Variants in TENT5C observed in about 807,000 individuals in gnomAD.
TENT5C encodes the protein terminal nucleotidyltransferase 5C, also known as family with sequence similarity 46 member C.
Under a neutral mutation model 22.2 loss-of-function variants are expected in TENT5C, and 5 were observed. That is an observed-to-expected ratio of 0.22 (90% confidence interval 0.12 to 0.47). The LOEUF (loss-of-function observed/expected upper bound fraction) is 0.47, where lower values mean the gene tolerates loss of function less well. Among genes scored for constraint, TENT5C ranks in the 20% least tolerant of loss-of-function variants. The pLI is 0.99. For missense variants in TENT5C, 364 were observed against 500.9 expected, an observed-to-expected ratio of 0.73 and a Z score of 2.61; for synonymous variants, 199 against 195.4, an observed-to-expected ratio of 1.02 and a Z score of -0.15.
Position 117,623,318 on chromosome 1 carries a change from C to T in TENT5C, c.450C>T (p.Asp150=). 7 of 1,614,172 alleles carry T rather than the reference C, an allele frequency of 4.3e-6. No homozygotes were observed. The highest frequency in any genetic ancestry group is 5.9e-6 in the Non-Finnish European group (7 of 1,180,038). ...TAGTGAAGGTTTGCACGGACACTGA[C>T]CGCTGGAGCCTGATCTCCCTCTCCA... ...QKLVKVCTDT[D]RWSLISLSNK... The change falls in exon 2 of 2, where the codon GAC becomes GAT. Residue 150 remains aspartate, a synonymous_variant. Coordinates refer to ENST00000369448, the MANE Select transcript of TENT5C (RefSeq NM_017709.4).
At chr1:117,606,272 C>T (rs1358892758) in intron 1 of TENT5C, 119 bp downstream of exon 1, 1 of 152,032 alleles carries the variant, frequency 6.6e-6, no homozygotes, top group East Asian at 1.9e-4. Context: ...TTTGCCCAGC[C>T]TGGTAGGGGG....
intron 1 of TENT5C, among the ~76,000 whole-genome samples, chr1:117,621,570 A>G (rs1366014433): frequency 6.6e-6 from 1 of 152,170 alleles, no homozygotes; most frequent in Non-Finnish European, 1.5e-5. Flanking sequence ...CCAGAAATCC[A>G]TGTTGGAACC....
At chr1:117,614,888 T>C (rs949584350) in intron 1 of TENT5C, among the ~76,000 whole-genome samples, 3 of 152,352 alleles carry the variant, frequency 2.0e-5, no homozygotes, top group South Asian at 2.1e-4. Context: ...ACTTGGTTTC[T>C]CTAAAATCAC....
intron 1 of TENT5C, among the ~76,000 whole-genome samples, chr1:117,621,942 C>T (rs1653902860): frequency 1.3e-5 from 2 of 152,170 alleles, no homozygotes; most frequent in Admixed American, 6.5e-5. Context: ...TGTTTTTCTC[C>T]TAGTACTCAT....
At chr1:117,616,909 C>T (rs540444888) in intron 1 of TENT5C, among the ~76,000 whole-genome samples, 6 of 152,186 alleles carry the variant, frequency 3.9e-5, no homozygotes, top group South Asian at 2.1e-4. Context: ...AGGTCACAGA[C>T]CTAGACTTAG....
intron 1 of TENT5C, among the ~76,000 whole-genome samples, chr1:117,608,811 A>T (rs1653602435): frequency 6.6e-6 from 1 of 151,164 alleles, no homozygotes; most frequent in Admixed American, 6.6e-5. Flanking sequence ...GAAGCCCAAA[A>T]CTAGTTTCAT....
At chr1:117,610,160 C>T (rs930856410) in intron 1 of TENT5C, among the ~76,000 whole-genome samples, 4 of 152,018 alleles carry the variant, frequency 2.6e-5, no homozygotes, top group East Asian at 1.9e-4. Context: ...TTTAGGGGCC[C>T]GTAGACAGGA....
chr1:117,627,299 G>T lies in TENT5C; in HGVS notation c.*3255G>T. On this transcript the variant is annotated 3_prime_UTR_variant, in exon 2 of 2. Coordinates refer to ENST00000369448, the MANE Select transcript of TENT5C (RefSeq NM_017709.4). Reference sequence around the variant, plus strand: ...ATCAAATTGCTAAAACCCTGAATCTGCTTATTCTTCAGCTTCACCTCTGCA... The same window carrying T: ...ATCAAATTGCTAAAACCCTGAATCTTCTTATTCTTCAGCTTCACCTCTGCA... The T allele has an allele frequency of 4.0e-6, 1 of 248,122 alleles. No homozygotes were observed. The highest frequency in any genetic ancestry group is 1.3e-3 in the Middle Eastern group (1 of 788). The allele number at this position is 248,122 out of a possible 1,614,324, so 15.4% of individuals were successfully genotyped here. A position where few individuals can be genotyped will look rare whatever the true frequency, so the allele number is the denominator to read the frequency against.
chr1:117,619,951 A>G (rs1775822), intron 1 of TENT5C, among the ~76,000 whole-genome samples: 2 of 151,930 alleles, frequency 1.3e-5, no homozygotes, highest in African/African-American at 4.8e-5. Flanking sequence ...TATCATTCCT[A>G]TTTTTCACAA....
At chr1:117,617,008 A>C (rs1257138047) in intron 1 of TENT5C, among the ~76,000 whole-genome samples, 1 of 152,144 alleles carries the variant, frequency 6.6e-6, no homozygotes, top group Non-Finnish European at 1.5e-5. Flanking sequence ...CCAGGCACAA[A>C]ATAAGAATTA....
rs1297577240 is a variant in TENT5C, at chr1:117,613,236, G to GA, written c.-28+7090dup. ...TGTAGCACTTAATGCTGACACCTTG[G>GA]AAAAAAATCAAGGCTTTTATGCCCT... On this transcript the variant is annotated intron_variant, in intron 1 of 1. Coordinates refer to ENST00000369448, the MANE Select transcript of TENT5C (RefSeq NM_017709.4). Among the ~76,000 whole-genome samples, 3 of 152,266 alleles carry GA rather than the reference G, an allele frequency of 2.0e-5. No homozygotes were observed. The East Asian group carries it at 5.8e-4, about 29-fold the overall frequency.
At chr1:117,610,149 G>T (rs1169962373) in intron 1 of TENT5C, among the ~76,000 whole-genome samples, 1 of 152,010 alleles carries the variant, frequency 6.6e-6, no homozygotes, top group African/African-American at 2.4e-5. Flanking sequence ...CACTGACCTG[G>T]TTTAGGGGCC....
intron 1 of TENT5C, among the ~76,000 whole-genome samples, chr1:117,615,370 A>G (rs989724154): frequency 1.3e-5 from 2 of 152,198 alleles, no homozygotes; most frequent in South Asian, 2.1e-4. Flanking sequence ...GACAGTTTAC[A>G]ATTTGCACAT....
At chr1:117,617,547 C>T (rs1653813419) in intron 1 of TENT5C, among the ~76,000 whole-genome samples, 1 of 152,192 alleles carries the variant, frequency 6.6e-6, no homozygotes, top group African/African-American at 2.4e-5. Context: ...TTCCACCTTT[C>T]CCCATTTCTA....
chr1:117,624,886 T>A lies in TENT5C; in HGVS notation c.*842T>A, dbSNP rs1262875431. 1 of 247,824 alleles carries A rather than the reference T, an allele frequency of 4.0e-6. No individual in the cohort carries two copies. Among genetic ancestry groups the A allele is most frequent in the Admixed American group, 5.6e-5 (1 of 17,776 alleles). The allele number at this position is 247,824 out of a possible 1,614,324, so 15.4% of individuals were successfully genotyped here. A position where few individuals can be genotyped will look rare whatever the true frequency, so the allele number is the denominator to read the frequency against. On this transcript the variant is annotated 3_prime_UTR_variant, in exon 2 of 2. Transcript: ENST00000369448. ...CTTTAAAGAATTCTTATTAAATGGC[T>A]CCCTGCCTTTTTTTTCTTTTTTCCT...
At chr1:117,622,393 T>C (rs1175205781) in intron 1 of TENT5C, among the ~76,000 whole-genome samples, 1 of 151,618 alleles carries the variant, frequency 6.6e-6, no homozygotes, top group African/African-American at 2.4e-5. Flanking sequence ...ATGAATGTTG[T>C]AGCCTAGACG....
chr1:117,606,746 G>T (rs1653545327), intron 1 of TENT5C, among the ~76,000 whole-genome samples: 2 of 152,196 alleles, frequency 1.3e-5, no homozygotes, highest in Non-Finnish European at 2.9e-5. Flanking sequence ...CGCTTCCTAG[G>T]CTCATTGCCA....
intron 1 of TENT5C, among the ~76,000 whole-genome samples, chr1:117,609,686 TCTCATTAGTCTCAGCCACTGGCATATGAG>T (rs1653624483): frequency 6.6e-6 from 1 of 152,220 alleles, no homozygotes; most frequent in Non-Finnish European, 1.5e-5. Context: ...CTCCGATTTC[TCTCATTAGTCTCAGCCACTGGCATATGAG>T]CGCCGGAAAG....
At position 117,623,924 on chromosome 1, in the gene TENT5C, C is replaced by T. The variant is rs149502461; in HGVS notation, c.1056C>T (p.Asn352=). Residue 352 remains asparagine (N), a synonymous_variant, in exon 2 of 2, where the codon AAC becomes AAT. Transcript: ENST00000369448. The part of the protein sequence containing the change: ...AEQNIIPSAT[N]VTCYYQPAPY... The stretch of plus-strand genomic sequence containing the variant: ...AAAACATCATCCCCAGTGCCACCAA[C>T]GTCACCTGTTACTACCAGCCGGCCC... 3.8e-5 allele frequency: 62 copies of T among 1,614,012 alleles called. No individual in the cohort carries two copies. Among genetic ancestry groups the T allele is most frequent in the Non-Finnish European group, 4.5e-5 (53 of 1,180,030 alleles).
Sources: allele counts gnomAD v4.1 joint callset (sites outside exome capture counted in the v4.1 genomes callset), GRCh38; gene constraint gnomAD v4.1.1; transcripts MANE v1.5; gene names NCBI Gene and HGNC (gene_info 2026-07-23, HGNC 2026-07-21).